ST8SIA1: variants seen among roughly 807,000 people sequenced by gnomAD.
The protein encoded by ST8SIA1 is ST8 alpha-N-acetyl-neuraminide alpha-2,8-sialyltransferase 1.
In ST8SIA1, 16 loss-of-function variants were observed where a neutral mutation model predicts 35.9. The observed-to-expected ratio is 0.45, with a 90% CI of 0.30 to 0.68. The LOEUF (loss-of-function observed/expected upper bound fraction) is 0.68, where lower values mean the gene tolerates loss of function less well. Among genes scored for constraint, ST8SIA1 ranks in the 30% least tolerant of loss-of-function variants. The pLI, the probability that ST8SIA1 is intolerant of heterozygous loss-of-function variation, is 0.09. For synonymous variants in ST8SIA1, 170 were observed against 169.6 expected, an observed-to-expected ratio of 1.00 and a Z score of -0.02; for missense variants, 383 against 453.6, an observed-to-expected ratio of 0.84 and a Z score of 1.41.
intron 2 of ST8SIA1, among the ~76,000 whole-genome samples, chr12:22,286,057 A>G (rs1425399749): frequency 2.0e-5 from 3 of 152,168 alleles, no homozygotes; most frequent in Non-Finnish European, 4.4e-5. Context: ...GACAAAATTC[A>G]GTTCCATATA....
At chr12:22,285,886 A>AAAAAAAACAAAAAAAAC (rs1565586767) in intron 2 of ST8SIA1, among the ~76,000 whole-genome samples, 1 of 109,714 alleles carries the variant, frequency 9.1e-6, no homozygotes, top group African/African-American at 2.9e-5. Context: ...ACAAAAAAAA[A>AAAAAAAACAAAAAAAAC]AAAAAAAAAA....
chr12:22,275,612 A>G (rs1315456405), intron 2 of ST8SIA1, among the ~76,000 whole-genome samples: 1 of 152,138 alleles, frequency 6.6e-6, no homozygotes, highest in African/African-American at 2.4e-5. Context: ...GTAAGCTTAT[A>G]TTAGCTGACA....
chr12:22,303,804 T>C (rs1018418098), intron 1 of ST8SIA1, among the ~76,000 whole-genome samples: 1 of 150,226 alleles, frequency 6.7e-6, no homozygotes, highest in Non-Finnish European at 1.5e-5. Flanking sequence ...AAAAGGCCTC[T>C]GAAGTGGCTA....
Position 22,231,668 on chromosome 12 carries a change from G to C in ST8SIA1, c.584+17338C>G, listed in dbSNP as rs1865423286. Among the ~76,000 whole-genome samples, 6 of 152,036 alleles carry C rather than the reference G, an allele frequency of 3.9e-5. 1 individual carries two copies. The South Asian group carries it at 1.2e-3, about 32-fold the overall frequency. On this transcript the variant is annotated intron_variant, in intron 4 of 4. Coordinates refer to ENST00000396037, the MANE Select transcript of ST8SIA1 (RefSeq NM_003034.4). The stretch of plus-strand genomic sequence containing the variant: ...GGCTCACTGCAAGCTCCGCCTCCCG[G>C]GTTCACGCCATTCTCCTGCCTCAGC...
At chr12:22,223,539 C>G (rs1161435637) in intron 4 of ST8SIA1, 2 of 1,032,224 alleles carry the variant, frequency 1.9e-6, no homozygotes, top group East Asian at 1.1e-4. Context: ...GACTTCTGAA[C>G]TGGGTTAAAT....
At position 22,239,759 on chromosome 12, in the gene ST8SIA1, A is replaced by G. The variant is rs142962561; in HGVS notation, c.584+9247T>C. Among the ~76,000 whole-genome samples, 161 of 152,294 alleles carry G rather than the reference A, an allele frequency of 1.1e-3. 1 individual carries two copies. Among genetic ancestry groups the G allele is most frequent in the Non-Finnish European group, 1.7e-3 (118 of 68,026 alleles). Reference sequence around the variant, plus strand: ...TTTGAACATAGTATGTGAGAATTCTATGAGCTTTCTTCCAGAAGAAATTTG... The same window carrying G: ...TTTGAACATAGTATGTGAGAATTCTGTGAGCTTTCTTCCAGAAGAAATTTG... On this transcript the variant is annotated intron_variant, in intron 4 of 4. Coordinates refer to ENST00000396037, the MANE Select transcript of ST8SIA1 (RefSeq NM_003034.4).
chr12:22,334,074 G>T lies in ST8SIA1; in HGVS notation c.159C>A (p.Asn53Lys), dbSNP rs778982252. Residue 53 changes from asparagine to lysine, a missense_variant, in exon 1 of 5, where the codon AAC becomes AAA. By Grantham distance (94) the Asn-to-Lys change is moderately conservative. Transcript: ENST00000396037. ...GCACCCCCTGCACGATCTCTTTCTC[G>T]TTGGGCAGCCGGTAGACGGGGAAGA... ...LYIFPVYRLP[N>K]EKEIVQGVLQ... 3 of 1,614,130 alleles carry T rather than the reference G, an allele frequency of 1.9e-6. No individual in the cohort carries two copies. Among genetic ancestry groups the T allele is most frequent in the Non-Finnish European group, 2.5e-6 (3 of 1,180,018 alleles).
intron 4 of ST8SIA1, among the ~76,000 whole-genome samples, chr12:22,221,470 G>C (rs1169581509): frequency 6.6e-6 from 1 of 152,150 alleles, no homozygotes; most frequent in Non-Finnish European, 1.5e-5. Flanking sequence ...AATGAATAAA[G>C]ACGAAGAGAG....
chr12:22,271,067 T>C (rs1466561104), intron 2 of ST8SIA1, among the ~76,000 whole-genome samples: 1 of 152,214 alleles, frequency 6.6e-6, no homozygotes. Flanking sequence ...CACAGGCACA[T>C]AGATTTCCTT....
chr12:22,221,155 T>C (rs996673842), intron 4 of ST8SIA1, among the ~76,000 whole-genome samples: 7 of 152,064 alleles, frequency 4.6e-5, no homozygotes, highest in African/African-American at 1.7e-4. Context: ...TGCAGTTATT[T>C]CAGACACCTA....
At chr12:22,317,767 C>T (rs900023292) in intron 1 of ST8SIA1, among the ~76,000 whole-genome samples, 16 of 152,182 alleles carry the variant, frequency 1.1e-4, no homozygotes, top group Admixed American at 3.3e-4. Context: ...AGTCACTAAA[C>T]GCAGCCTCCA....
In ST8SIA1 at chr12:22,212,407, C is replaced by G. The variant is rs530200326; in HGVS notation, c.585-10369G>C. ...CTGTCTCTGAGCAGCTGTTTGTTTA[C>G]CCAGCTGTTACTTCCTTTCCTTCTG... On this transcript the variant is annotated intron_variant, in intron 4 of 4. Coordinates refer to ENST00000396037, the MANE Select transcript of ST8SIA1 (RefSeq NM_003034.4). Among the ~76,000 whole-genome samples the G allele has an allele frequency of 1.3e-4, 20 of 152,264 alleles. No homozygotes were observed. The South Asian group carries it at 4.2e-3, about 32-fold the overall frequency.
intron 1 of ST8SIA1, 138 bp downstream of exon 1, chr12:22,333,859 G>T: frequency 1.2e-6 from 1 of 858,732 alleles, no homozygotes. Flanking sequence ...TGGCACAAAT[G>T]GAGGGAAAGG....
intron 1 of ST8SIA1, among the ~76,000 whole-genome samples, chr12:22,298,407 C>G (rs1866273622): frequency 6.6e-6 from 1 of 152,156 alleles, no homozygotes; most frequent in South Asian, 2.1e-4. Context: ...TCTAGGTAGA[C>G]AGTGTTGAAA....
At chr12:22,325,507 C>T in intron 1 of ST8SIA1, 1 of 701,670 alleles carries the variant, frequency 1.4e-6, no homozygotes, top group Non-Finnish European at 2.6e-6. Flanking sequence ...TCCTTCAAAA[C>T]TCATTATCAT....
chr12:22,319,244 C>T (rs1866554294), intron 1 of ST8SIA1, among the ~76,000 whole-genome samples: 1 of 152,146 alleles, frequency 6.6e-6, no homozygotes, highest in Admixed American at 6.5e-5. Context: ...ACTGAAAATA[C>T]TATCATTATT....
rs1866587906 is a variant in ST8SIA1, at chr12:22,320,995, GAAAGAAAGAAGAAAGA to G, written c.236+12986_236+13001del. On this transcript the variant is annotated intron_variant, in intron 1 of 4. Transcript: ENST00000396037. ...AGAAAGAAAGAAAGAAAGAAAGAAA[GAAAGAAAGAAGAAAGA>G]AAGAAAGAAAGAAAGAAAGAAAGAG... Among the ~76,000 whole-genome samples, 21 of 110,558 alleles carry G rather than the reference GAAAGAAAGAAGAAAGA, an allele frequency of 1.9e-4. No individual in the cohort carries two copies. In the South Asian group the frequency reaches 4.9e-3, roughly 26 times the overall value. 72.5% of individuals were successfully genotyped at this position (110,558 alleles called of 152,430 possible). A position where few individuals can be genotyped will look rare whatever the true frequency, so the allele number is the denominator to read the frequency against.
intron 1 of ST8SIA1, among the ~76,000 whole-genome samples, chr12:22,303,425 C>G (rs573688215): frequency 1.3e-5 from 2 of 152,202 alleles, no homozygotes; most frequent in African/African-American, 4.8e-5. Flanking sequence ...TCTGAACTCT[C>G]TTCCAACAGG....
intron 1 of ST8SIA1, among the ~76,000 whole-genome samples, chr12:22,287,740 C>G (rs958597868): frequency 6.6e-6 from 1 of 152,132 alleles, no homozygotes; most frequent in South Asian, 2.1e-4. Context: ...AGACTTCCAG[C>G]AAGCTGTATG....
Sources: gnomAD v4.1 joint callset for allele counts (sites outside exome capture counted in the v4.1 genomes callset) on GRCh38, gnomAD v4.1.1 for gene constraint, MANE v1.5 for transcripts, NCBI Gene and HGNC (gene_info 2026-07-23, HGNC 2026-07-21) for gene names.